The following TELO2 variants were observed in gnomAD, a reference collection of about 807,000 sequenced individuals.
TELO2 encodes the protein telomere maintenance 2.
Under a neutral mutation model 91.0 loss-of-function variants are expected in TELO2, and 71 were observed. That is an observed-to-expected ratio of 0.78 (90% CI 0.64 to 0.95). TELO2 has a LOEUF of 0.95. Among genes scored for constraint, TELO2 ranks in the 40% least tolerant of loss-of-function variants. TELO2 has a pLI of 0.00. For missense variants in TELO2, 1,183 were observed against 1,141.3 expected (o/e 1.04, Z -0.53); for synonymous variants, 584 against 518.9 (o/e 1.13, Z -1.71).
In TELO2 at chr16:1,494,307, G is replaced by T; in HGVS notation, c.26G>T (p.Arg9Leu). Residue 9 changes from arginine (R) to leucine (L), a missense_variant, in exon 2 of 21, where the codon CGA becomes CTA. Transcript: ENST00000262319. The surrounding 1 kb of genome is among the most constrained non-coding windows in gnomAD (Gnocchi z 5.6). MEPAPSEV[R>L]LAVREAIHAL... ...ATGGAGCCAGCACCCTCAGAGGTTC[G>T]ACTCGCCGTCCGGGAAGCCATTCAT... 1 of 1,613,186 alleles carries T rather than the reference G, an allele frequency of 6.2e-7. No individual in the cohort carries two copies. Among genetic ancestry groups the T allele is most frequent in the South Asian group, 1.1e-5 (1 of 91,062 alleles).
rs1326352292 is a variant in TELO2, at chr16:1,502,746, C to A, written c.1755C>A (p.Val585=). ...LRQRALVAVT[V]TDPAPVADYL... Reference sequence around the variant, plus strand: ...AGAGAGCCCTGGTGGCCGTCACGGTCACAGACCCGGCCCCGGTGAGTTCCC... The same window carrying A: ...AGAGAGCCCTGGTGGCCGTCACGGTAACAGACCCGGCCCCGGTGAGTTCCC... Residue 585 remains valine (V), a synonymous_variant, in exon 14 of 21, where the codon GTC becomes GTA. Transcript: ENST00000262319. The A allele has an allele frequency of 1.2e-6, 2 of 1,612,118 alleles. No homozygotes were observed. The highest frequency in any genetic ancestry group is 4.5e-5 in the East Asian group (2 of 44,876).
At chr16:1,502,232 G>C in intron 12 of TELO2, 81 bp from the exon 13 acceptor site, 1 of 1,574,194 alleles carries the variant, frequency 6.4e-7, no homozygotes, top group Non-Finnish European at 8.6e-7. Context: ...CCCTGGGCCC[G>C]GGGTGCCGCC....
intron 7 of TELO2, 56 bp downstream of exon 7, chr16:1,500,220 G>A: frequency 6.4e-7 from 1 of 1,551,410 alleles, no homozygotes; most frequent in Non-Finnish European, 8.7e-7. Context: ...AGCCGTGCGG[G>A]GCTCACCTTT....
rs1315983237 is a variant in TELO2 at position 1,505,856 on chromosome 16, A to G, written c.2034+255A>G. On this transcript the variant is annotated intron_variant, in intron 16 of 20. Coordinates refer to ENST00000262319, the MANE Select transcript of TELO2 (RefSeq NM_016111.4). This position sits in a 1 kb window ranked among gnomAD's most constrained non-coding sequence, Gnocchi z 4.3. ...TGGTGGTGCTCTGTCCTCAGAGCCC[A>G]TCTAGGCCAGGGGTGGTGTTGCTCC... Among the ~76,000 whole-genome samples the G allele has an allele frequency of 6.6e-6, 1 of 152,206 alleles. No homozygotes were observed. The highest frequency in any genetic ancestry group is 1.9e-4 in the East Asian group (1 of 5,186).
Position 1,497,052 on chromosome 16 carries a change from C to T in TELO2, c.630C>T (p.Ser210=), listed in dbSNP as rs374300390. 1.8e-5 allele frequency: 29 copies of T among 1,613,908 alleles called. No homozygotes were observed. Among genetic ancestry groups the T allele is most frequent in the African/African-American group, 1.1e-4 (8 of 74,880 alleles). ...CTGTCCCAGGTGGCCTGGATTCCTC[C>T]GTGTCCTTCGTGTCTCAGGTCCTTG... The part of the protein sequence containing the change: ...VDSLQGGLDS[S]VSFVSQVLGK... Residue 210 remains serine (S), a synonymous_variant, in exon 4 of 21, where the codon TCC becomes TCT. Transcript: ENST00000262319. This position sits in a 1 kb window ranked among gnomAD's most constrained non-coding sequence, Gnocchi z 4.0.
Position 1,495,403 on chromosome 16 carries a change from C to T in TELO2, c.393C>T (p.Gly131=), listed in dbSNP as rs1289870934. The change falls in exon 3 of 21, where the codon GGC becomes GGT. Residue 131 remains glycine, a synonymous_variant. Coordinates refer to ENST00000262319, the MANE Select transcript of TELO2 (RefSeq NM_016111.4). The part of the protein sequence containing the change: ...ARLLARFLRE[G]RLAVLMEAQC... ...TGCTGGCCAGATTCCTGCGCGAGGG[C>T]CGGCTGGCAGTGCTGATGGAGGCGC... The T allele has an allele frequency of 6.3e-6, 10 of 1,584,628 alleles. No individual in the cohort carries two copies. Among genetic ancestry groups the T allele is most frequent in the Non-Finnish European group, 6.9e-6 (8 of 1,166,528 alleles).
chr16:1,495,807 T>C (rs553963200), intron 3 of TELO2, among the ~76,000 whole-genome samples, 184 bp downstream of exon 3: 5 of 152,224 alleles, frequency 3.3e-5, no homozygotes, highest in Non-Finnish European at 5.9e-5. Context: ...TGGGCTGAAG[T>C]CCGCTGCCCT....
Position 1,506,968 on chromosome 16 carries a change from G to T in TELO2, c.2143G>T (p.Asp715Tyr), listed in dbSNP as rs1288974640. 1 of 1,610,894 alleles carries T rather than the reference G, an allele frequency of 6.2e-7. No individual in the cohort carries two copies. The highest frequency in any genetic ancestry group is 1.1e-5 in the South Asian group (1 of 90,422). Residue 715 changes from aspartate to tyrosine, a missense_variant, in exon 18 of 21, where the codon GAC becomes TAC. Transcript: ENST00000262319. ...QRFDRPLVTFDLLGEDQLVLG... is the reference protein window; with the variant it reads ...QRFDRPLVTFYLLGEDQLVLG... ...GTGCTCTAGGCCTCTGGTGACCTTC[G>T]ACCTCTTGGGAGAAGACCAGCTGGT...
intron 15 of TELO2, among the ~76,000 whole-genome samples, chr16:1,504,254 G>A (rs1255384049): frequency 4.0e-5 from 6 of 151,360 alleles, no homozygotes; most frequent in Non-Finnish European, 1.5e-5. Context: ...CCAACATGGT[G>A]AAACCCTGTT....
In TELO2 at chr16:1,506,120, C is replaced by T. The variant is rs909276276; in HGVS notation, c.2035-118C>T. On this transcript the variant is annotated intron_variant, in intron 16 of 20. Transcript: ENST00000262319. ...AGCTGGGCGGGGCCGGAAGAGTAGC[C>T]CGGGGAGGCAAGGCGAGGCTGAGGT... 16 of 1,136,190 alleles carry T rather than the reference C, an allele frequency of 1.4e-5. No individual in the cohort carries two copies. The Admixed American group carries it at 2.1e-4, about 15-fold the overall frequency. 70.4% of individuals were successfully genotyped at this position (1,136,190 alleles called of 1,614,324 possible). A position where few individuals can be genotyped will look rare whatever the true frequency, so the allele number is the denominator to read the frequency against.
chr16:1,502,048 G>A lies in TELO2; in HGVS notation c.1474G>A (p.Asp492Asn). ...CATGTCTGCTTTGCTCTCCCACAGCGATGATGAGTTTGTCCCCTACGACAT... is the reference window on the plus strand; with the variant it reads ...CATGTCTGCTTTGCTCTCCCACAGCAATGATGAGTTTGTCCCCTACGACAT... ...LAGSDSDLDS[D>N]DEFVPYDMSG... Residue 492 changes from aspartate to asparagine, a missense_variant and splice_region_variant, in exon 12 of 21, where the codon GAT becomes AAT. Asp to Asn is a conservative substitution (Grantham distance 23, BLOSUM62 1). Coordinates refer to ENST00000262319, the MANE Select transcript of TELO2 (RefSeq NM_016111.4). 12 of 1,613,320 alleles carry A rather than the reference G, an allele frequency of 7.4e-6. No individual in the cohort carries two copies. Among genetic ancestry groups the A allele is most frequent in the East Asian group, 2.2e-5 (1 of 44,884 alleles).
At chr16:1,507,852 GTGTGT>G (rs1567307895) in intron 20 of TELO2, 136 bp downstream of exon 20, 273 of 21,550 alleles carry the variant, frequency 0.013, 7 homozygotes, top group Non-Finnish European at 0.019. Context: ...GGCCCGGGGT[GTGTGT>G]GTGTGTGTGT....
chr16:1,505,600 A>G lies in TELO2; in HGVS notation c.2033A>G (p.Lys678Arg), dbSNP rs200954805. ...RIRSKTQRLSKGGPRQGPAGS... is the reference protein window; with the variant it reads ...RIRSKTQRLSRGGPRQGPAGS... ...AGAAGCAAGACCCAGCGGCTCTCCAAGGTTAGTGGCGCCTGGTCAGCTCCT... is the reference window on the plus strand; with the variant it reads ...AGAAGCAAGACCCAGCGGCTCTCCAGGGTTAGTGGCGCCTGGTCAGCTCCT... The change falls in exon 16 of 21, where the codon AAG becomes AGG. Residue 678 changes from lysine to arginine, a missense_variant and splice_region_variant. By Grantham distance (26) the Lys-to-Arg change is conservative. Coordinates refer to ENST00000262319, the MANE Select transcript of TELO2 (RefSeq NM_016111.4). The surrounding 1 kb of genome is among the most constrained non-coding windows in gnomAD (Gnocchi z 4.3). 69 of 1,474,884 alleles carry G rather than the reference A, an allele frequency of 4.7e-5. No individual in the cohort carries two copies. The highest frequency in any genetic ancestry group is 4.8e-5 in the Non-Finnish European group (52 of 1,087,500). The allele number at this position is 1,474,884 out of a possible 1,614,324, so 91.4% of individuals were successfully genotyped here.
intron 15 of TELO2, among the ~76,000 whole-genome samples, chr16:1,504,968 G>A (rs573641157): frequency 6.6e-6 from 1 of 152,258 alleles, no homozygotes; most frequent in East Asian, 1.9e-4. Context: ...GGAGCCTCCG[G>A]TCTGGCGCTG....
chr16:1,500,193 C>G (rs754582043), intron 7 of TELO2, 29 bp downstream of exon 7: 1 of 1,583,662 alleles, frequency 6.3e-7, no homozygotes, highest in South Asian at 1.1e-5. Context: ...TCCGTCCCTG[C>G]GAGGCCCTGG....
chr16:1,504,574 T>C (rs1167282574), intron 15 of TELO2, among the ~76,000 whole-genome samples: 2 of 129,130 alleles, frequency 1.5e-5, no homozygotes, highest in African/African-American at 6.0e-5. Flanking sequence ...TTTTTTTTTT[T>C]TGAGACAGAG....
Position 1,500,419 on chromosome 16 carries a change from C to T in TELO2, c.1075C>T (p.His359Tyr), listed in dbSNP as rs757885588. ...IRHTPLPQQR[H>Y]VSKAVLICLA... ...CCACACTCCCCTGCCGCAGCAGCGC[C>T]ACGTCAGCAAGGCTGTCCTCATCTG... Residue 359 changes from histidine to tyrosine, a missense_variant, in exon 8 of 21, where the codon CAC becomes TAC. Coordinates refer to ENST00000262319, the MANE Select transcript of TELO2 (RefSeq NM_016111.4). 6.2e-7 allele frequency: 1 copy of T among 1,606,746 alleles called. No homozygotes were observed. Among genetic ancestry groups the T allele is most frequent in the Non-Finnish European group, 8.5e-7 (1 of 1,177,828 alleles).
chr16:1,510,064 A>G lies in TELO2; in HGVS notation c.*128A>G. 2.7e-6 allele frequency: 2 copies of G among 745,946 alleles called. No individual in the cohort carries two copies. Among genetic ancestry groups the G allele is most frequent in the South Asian group, 3.6e-5 (2 of 56,302 alleles). The allele number at this position is 745,946 out of a possible 1,614,324, so 46.2% of individuals were successfully genotyped here. On this transcript the variant is annotated 3_prime_UTR_variant, in exon 21 of 21. Transcript: ENST00000262319. ...CGGCCGCATCCGGTACGGAGAGTGC[A>G]GATGCAGGAAGGCCCGGCCTGCCGC...
intron 19 of TELO2, 52 bp from the exon 20 acceptor site, chr16:1,507,549 A>AG (rs779338692): frequency 7.2e-6 from 11 of 1,520,006 alleles, no homozygotes; most frequent in Non-Finnish European, 9.7e-6. Flanking sequence ...GGGGAGTGGG[A>AG]GGTCTGGGGT....
Sources: allele counts gnomAD v4.1 joint callset (sites outside exome capture counted in the v4.1 genomes callset), GRCh38; gene constraint gnomAD v4.1.1; non-coding constraint Gnocchi (gnomAD v3.1); transcripts MANE v1.5; gene names NCBI Gene and HGNC (gene_info 2026-07-23, HGNC 2026-07-21).